Variants in ZBTB38 observed in about 807,000 individuals in gnomAD.
ZBTB38 encodes the protein zinc finger and BTB domain containing 38.
Under a neutral mutation model 76.8 loss-of-function variants are expected in ZBTB38, and 20 were observed. The observed-to-expected ratio is 0.26, with a 90% CI of 0.18 to 0.38. ZBTB38 has a LOEUF of 0.38. ZBTB38 is among the 10% of genes least tolerant of loss of function. The pLI, the probability that ZBTB38 is intolerant of heterozygous loss-of-function variation, is 1.00. For missense variants in ZBTB38, 1,082 were observed against 1,482.3 expected (o/e 0.73, Z 4.43); for synonymous variants, 504 against 544.2 (o/e 0.93, Z 1.03).
intron 5 of ZBTB38, among the ~76,000 whole-genome samples, chr3:141,411,526 A>G (rs922330668): frequency 1.5e-4 from 23 of 152,220 alleles, no homozygotes; most frequent in African/African-American, 5.3e-4. Context: ...CCCTTGAATT[A>G]ATGCAAGTTC....
At chr3:141,407,309 G>A (rs1436289303) in intron 5 of ZBTB38, among the ~76,000 whole-genome samples, 5 of 152,074 alleles carry the variant, frequency 3.3e-5, no homozygotes, top group African/African-American at 1.2e-4. Context: ...AACCTAGCTG[G>A]GCCACTTTCC....
chr3:141,380,055 T>A (rs1945970981), intron 2 of ZBTB38, among the ~76,000 whole-genome samples: 1 of 152,198 alleles, frequency 6.6e-6, no homozygotes, highest in Non-Finnish European at 1.5e-5. Flanking sequence ...TTTAATTGAG[T>A]CAGTGTGTTG....
intron 4 of ZBTB38, chr3:141,387,734 T>C (rs1408565554): frequency 6.6e-6 from 1 of 152,252 alleles, no homozygotes; most frequent in Non-Finnish European, 1.5e-5. Context: ...CACAGTTCAT[T>C]CAAGCTGTTC....
intron 1 of ZBTB38, among the ~76,000 whole-genome samples, chr3:141,346,113 T>A (rs1307120501): frequency 1.3e-5 from 2 of 152,186 alleles, no homozygotes; most frequent in African/African-American, 4.8e-5. Context: ...CTCCTGTTGT[T>A]TAACCTTTGG....
intron 5 of ZBTB38, among the ~76,000 whole-genome samples, chr3:141,430,129 G>C (rs2077177382): frequency 1.3e-5 from 2 of 152,100 alleles, no homozygotes; most frequent in Admixed American, 1.3e-4. Context: ...GCAATGGTGT[G>C]ATCTTGGCTC....
At chr3:141,423,600 G>A (rs2075840634) in intron 5 of ZBTB38, among the ~76,000 whole-genome samples, 1 of 152,124 alleles carries the variant, frequency 6.6e-6, no homozygotes, top group African/African-American at 2.4e-5. Context: ...GGAAGAAAAA[G>A]GATGCCCCAC....
At chr3:141,409,159 T>C (rs1263562827) in intron 5 of ZBTB38, among the ~76,000 whole-genome samples, 1 of 152,148 alleles carries the variant, frequency 6.6e-6, no homozygotes. Flanking sequence ...GATTTTCCTG[T>C]CTCAGCCTCC....
At chr3:141,406,050 T>C (rs1954271986) in intron 5 of ZBTB38, among the ~76,000 whole-genome samples, 1 of 152,028 alleles carries the variant, frequency 6.6e-6, no homozygotes, top group Non-Finnish European at 1.5e-5. Flanking sequence ...ACTTGGAGCA[T>C]ATTCAGGGAA....
intron 4 of ZBTB38, among the ~76,000 whole-genome samples, chr3:141,395,357 T>C (rs942261440): frequency 1.3e-5 from 2 of 151,962 alleles, no homozygotes; most frequent in Non-Finnish European, 2.9e-5. Flanking sequence ...TCTCCTAATT[T>C]CTCAAGTCGG....
intron 1 of ZBTB38, among the ~76,000 whole-genome samples, chr3:141,353,205 G>A (rs753074984): frequency 3.3e-5 from 5 of 151,970 alleles, no homozygotes; most frequent in Admixed American, 2.0e-4. Flanking sequence ...CTCTGTCTCT[G>A]TCACCTTCAC....
At chr3:141,403,470 A>G (rs925050446) in intron 4 of ZBTB38, among the ~76,000 whole-genome samples, 1 of 152,258 alleles carries the variant, frequency 6.6e-6, no homozygotes, top group Non-Finnish European at 1.5e-5. Context: ...AATATATAGT[A>G]CAATACAGAG....
intron 1 of ZBTB38, among the ~76,000 whole-genome samples, chr3:141,337,729 G>T (rs1210003974): frequency 6.6e-6 from 1 of 152,190 alleles, no homozygotes; most frequent in Non-Finnish European, 1.5e-5. Flanking sequence ...ACAGGTCTAT[G>T]AATTGAGCAC....
chr3:141,417,886 T>C (rs2150068345), intron 5 of ZBTB38, among the ~76,000 whole-genome samples: 2 of 152,122 alleles, frequency 1.3e-5, no homozygotes, highest in South Asian at 4.2e-4. Flanking sequence ...TAGTGGTGCA[T>C]GCCTGTAGTC....
At chr3:141,355,568 C>T (rs927074084) in intron 1 of ZBTB38, among the ~76,000 whole-genome samples, 3 of 152,090 alleles carry the variant, frequency 2.0e-5, no homozygotes, top group African/African-American at 7.2e-5. Flanking sequence ...GAGCCCTACT[C>T]CGGCTCTCAA....
intron 1 of ZBTB38, among the ~76,000 whole-genome samples, chr3:141,351,914 A>C (rs985921836): frequency 3.3e-5 from 5 of 152,068 alleles, no homozygotes; most frequent in African/African-American, 1.2e-4. Context: ...TTTGAACCTC[A>C]GGTTGTTGGA....
intron 1 of ZBTB38, among the ~76,000 whole-genome samples, chr3:141,358,330 C>G (rs1183907725): frequency 1.3e-5 from 2 of 152,124 alleles, no homozygotes; most frequent in African/African-American, 4.8e-5. Context: ...AACAAAGGAG[C>G]AAAGGCAGAG....
chr3:141,334,468 C>T (rs182497674), intron 1 of ZBTB38, among the ~76,000 whole-genome samples: 13 of 148,232 alleles, frequency 8.8e-5, no homozygotes, highest in African/African-American at 3.3e-4. Context: ...TTCCTTCCTT[C>T]CTTCCTTCTT....
rs1157679178 is a variant in ZBTB38, at chr3:141,442,075, A to C, written c.1-314A>C. Among the ~76,000 whole-genome samples, 6 of 116,142 alleles carry C rather than the reference A, an allele frequency of 5.2e-5. No homozygotes were observed. In the South Asian group the frequency reaches 1.9e-3, roughly 37 times the overall value. The allele number at this position is 116,142 out of a possible 152,430, so 76.2% of individuals were successfully genotyped here. On this transcript the variant is annotated intron_variant, in intron 5 of 5. Coordinates refer to ENST00000321464, the MANE Select transcript of ZBTB38 (RefSeq NM_001376113.1). The surrounding 1 kb of genome is among the most constrained non-coding windows in gnomAD (Gnocchi z 6.4). ...GATGATGAGACCCTTAACATTTCAG[A>C]AAAAAAAAAAAAACCTCCTCCCCTC...
chr3:141,360,233 C>T (rs989389846), intron 1 of ZBTB38, among the ~76,000 whole-genome samples: 10 of 152,200 alleles, frequency 6.6e-5, no homozygotes, highest in Non-Finnish European at 1.3e-4. Context: ...CATAGACCAT[C>T]TTAGCTCTGG....
Sources: gnomAD v4.1 joint callset for allele counts (sites outside exome capture counted in the v4.1 genomes callset) on GRCh38, gnomAD v4.1.1 for gene constraint, Gnocchi (gnomAD v3.1) non-coding constraint, MANE v1.5 for transcripts, NCBI Gene and HGNC (gene_info 2026-07-23, HGNC 2026-07-21) for gene names.